Variants in GTF3C2 observed in about 807,000 individuals in gnomAD.
The protein encoded by GTF3C2 is general transcription factor 3C polypeptide 2.
Under a neutral mutation model 117.4 loss-of-function variants are expected in GTF3C2, and 17 were observed. That is an observed-to-expected ratio of 0.14 (90% CI 0.10 to 0.22). The LOEUF (loss-of-function observed/expected upper bound fraction) is 0.22, where lower values mean the gene tolerates loss of function less well. Ranked by LOEUF, GTF3C2 falls within the 10% of genes least tolerant of loss-of-function variation. GTF3C2 has a pLI of 1.00. For synonymous variants in GTF3C2, 437 were observed against 427.0 expected, an observed-to-expected ratio of 1.02 and a Z score of -0.29; for missense variants, 888 against 1,143.6, an observed-to-expected ratio of 0.78 and a Z score of 3.22.
chr2:27,356,710 C>CCACACACCCGCTGCGGCGATA (rs1681403677), intron 1 of GTF3C2, 29 bp downstream of exon 1: 1 of 152,854 alleles, frequency 6.5e-6, no homozygotes. Flanking sequence ...GTGGGGCCCC[C>CCACACACCCGCTGCGGCGATA]CACACACCCG....
intron 1 of GTF3C2, among the ~76,000 whole-genome samples, chr2:27,355,895 G>T (rs1456823431): frequency 6.6e-6 from 1 of 152,118 alleles, no homozygotes; most frequent in Non-Finnish European, 1.5e-5. Context: ...ATTATAAGTA[G>T]CCCATGAAAC....
At chr2:27,333,417 T>C (rs576634911) in intron 12 of GTF3C2, among the ~76,000 whole-genome samples, 7 of 152,026 alleles carry the variant, frequency 4.6e-5, no homozygotes, top group Admixed American at 3.9e-4. Context: ...AGCCTCTCAA[T>C]AGGATGGGAT....
At chr2:27,334,110 C>G (rs1680369822) in intron 10 of GTF3C2, 111 bp from the exon 11 acceptor site, 2 of 777,960 alleles carry the variant, frequency 2.6e-6, no homozygotes, top group Non-Finnish European at 2.3e-6. Flanking sequence ...ACTGCAGCCT[C>G]CAACTCCTGG....
At chr2:27,346,330 CTTTTTTTTTTTTTTTTTTTTTTTTTT>C (rs144256545) in intron 1 of GTF3C2, among the ~76,000 whole-genome samples, 3 of 64,302 alleles carry the variant, frequency 4.7e-5, no homozygotes, top group South Asian at 1.3e-3. Flanking sequence ...ATTCTGATAC[CTTTTTTTTTTTTTTTTTTTTTTTTTT>C]TTTTTTTTTT....
chr2:27,327,963 G>A, intron 17 of GTF3C2, 74 bp downstream of exon 17: 1 of 1,260,132 alleles, frequency 7.9e-7, no homozygotes, highest in South Asian at 1.3e-5. Flanking sequence ...CTGAACTCAG[G>A]CTTGCGTACT....
rs1362446472 is a variant in GTF3C2, at chr2:27,330,481, A to AT, written c.1733-959_1733-958insA. On this transcript the variant is annotated intron_variant, in intron 12 of 18. Coordinates refer to ENST00000264720, the Ensembl canonical transcript of GTF3C2. ...CACCTCAAAAAAAAAGAAAAAAAAAAGAAAATGTTCGCTAACTCTGCCCCA... is the reference window on the plus strand; with the variant it reads ...CACCTCAAAAAAAAAGAAAAAAAAAATGAAAATGTTCGCTAACTCTGCCCCA... 8.5e-5 allele frequency among the ~76,000 whole-genome samples: 13 copies of AT among 152,080 alleles called. No individual in the cohort carries two copies. In the South Asian group the frequency reaches 2.7e-3, roughly 32 times the overall value.
chr2:27,338,176 TATA>T, intron 4 of GTF3C2, 156 bp from the exon 5 acceptor site: 1 of 633,500 alleles, frequency 1.6e-6, no homozygotes, highest in Non-Finnish European at 2.8e-6. Context: ...TTTCAACCAC[TATA>T]ATGACTTCTT....
At chr2:27,354,121 C>A (rs1167679700) in intron 1 of GTF3C2, among the ~76,000 whole-genome samples, 1 of 146,672 alleles carries the variant, frequency 6.8e-6, no homozygotes, top group African/African-American at 2.5e-5. Flanking sequence ...ACAACAACAA[C>A]AAAAATGTTT....
At chr2:27,336,262 G>C (rs1446322243) in exon 8 of GTF3C2, 1 of 1,614,126 alleles carries the variant, frequency 6.2e-7, no homozygotes. Flanking sequence ...GAATGAAGCT[G>C]GCTCAGTGGG....
rs776421272 is a variant in GTF3C2, at chr2:27,326,699, G to A, written c.2712C>T (p.Ser904=). The A allele has an allele frequency of 1.1e-5, 18 of 1,613,788 alleles. No homozygotes were observed. In the East Asian group the frequency reaches 3.3e-4, roughly 30 times the overall value. The stretch of plus-strand genomic sequence containing the variant: ...GCTAGGGAGTGGGCAGAAGGCGATG[G>A]CTGGTTGGAGAGAAGCCAGGCCGTC... The change falls in exon 19 of 19, where the codon AGC becomes AGT. Residue 904 remains serine (S), a synonymous_variant. Coordinates refer to ENST00000264720, the Ensembl canonical transcript of GTF3C2.
At chr2:27,332,338 C>G (rs1427273095) in intron 12 of GTF3C2, among the ~76,000 whole-genome samples, 1 of 151,412 alleles carries the variant, frequency 6.6e-6, no homozygotes, top group East Asian at 2.0e-4. Flanking sequence ...ACTCTTTCCT[C>G]TAATCTTTCT....
intron 1 of GTF3C2, chr2:27,356,474 C>T (rs1681388380): frequency 4.2e-6 from 1 of 238,472 alleles, no homozygotes; most frequent in Admixed American, 4.6e-5. Flanking sequence ...TACGCCCGGA[C>T]ACAGGCTTCC....
At chr2:27,349,511 CA>C (rs1425539316) in intron 1 of GTF3C2, among the ~76,000 whole-genome samples, 1 of 151,946 alleles carries the variant, frequency 6.6e-6, no homozygotes, top group African/African-American at 2.4e-5. Context: ...CAAAATAACT[CA>C]AAAAGCTGAA....
In GTF3C2 at chr2:27,329,592, T is replaced by C. The variant is rs1680209767; in HGVS notation, c.1733-69A>G. 1 of 1,505,200 alleles carries C rather than the reference T, an allele frequency of 6.6e-7. No homozygotes were observed. Among genetic ancestry groups the C allele is most frequent in the South Asian group, 1.2e-5 (1 of 84,164 alleles). The allele number at this position is 1,505,200 out of a possible 1,614,324, so 93.2% of individuals were successfully genotyped here. A position where few individuals can be genotyped will look rare whatever the true frequency, so the allele number is the denominator to read the frequency against. Reference sequence around the variant, plus strand: ...TCTTCCTTGCTCTAATTTCTTTCTCTGGGCTCCTAGGACCTTTGTCTTCTA... The same window carrying C: ...TCTTCCTTGCTCTAATTTCTTTCTCCGGGCTCCTAGGACCTTTGTCTTCTA... On this transcript the variant is annotated intron_variant, in intron 12 of 18. Coordinates refer to ENST00000264720, the Ensembl canonical transcript of GTF3C2. The surrounding 1 kb of genome is among the most constrained non-coding windows in gnomAD (Gnocchi z 4.5).
At chr2:27,330,882 A>G (rs915374408) in intron 12 of GTF3C2, among the ~76,000 whole-genome samples, 1 of 152,006 alleles carries the variant, frequency 6.6e-6, no homozygotes, top group Non-Finnish European at 1.5e-5. Flanking sequence ...GAACTGCTTG[A>G]ACTCGGGAGA....
chr2:27,335,629 A>G, exon 10 of GTF3C2: 1 of 1,556,122 alleles, frequency 6.4e-7, no homozygotes, highest in Non-Finnish European at 8.7e-7. Context: ...GGGCCTCCGG[A>G]TGGGGTAGAC....
intron 1 of GTF3C2, chr2:27,350,473 G>A: frequency 1.0e-6 from 1 of 985,586 alleles, no homozygotes; most frequent in Non-Finnish European, 1.2e-6. Flanking sequence ...ATCAAACTGG[G>A]AAGGTGCTCT....
At chr2:27,328,678 A>G in intron 15 of GTF3C2, 82 bp from the exon 16 acceptor site, 1 of 1,239,492 alleles carries the variant, frequency 8.1e-7, no homozygotes, top group East Asian at 2.3e-5. Flanking sequence ...TCTGAGAGAC[A>G]GACACACAAA....
intron 1 of GTF3C2, chr2:27,350,494 T>A: frequency 2.0e-6 from 2 of 985,626 alleles, no homozygotes; most frequent in African/African-American, 3.5e-5. Flanking sequence ...TATTTACAGC[T>A]GCTGGCTCAA....
Sources: gnomAD v4.1 joint callset for allele counts (sites outside exome capture counted in the v4.1 genomes callset) on GRCh38, gnomAD v4.1.1 for gene constraint, Gnocchi (gnomAD v3.1) non-coding constraint, MANE v1.5 for transcripts, NCBI Gene and HGNC (gene_info 2026-07-23, HGNC 2026-07-21) for gene names.